Variants in STAT4 observed in about 807,000 individuals in gnomAD.
The protein encoded by STAT4 is signal transducer and activator of transcription 4.
In STAT4, 42 loss-of-function variants were observed where a neutral mutation model predicts 110.5. The ratio of observed to expected loss-of-function variants is 0.38; its 90% confidence interval spans 0.30 to 0.49. STAT4 has a LOEUF of 0.49. Ranked by LOEUF, STAT4 falls within the 20% of genes least tolerant of loss-of-function variation. The probability of loss-of-function intolerance (pLI) is 0.95; values close to 1 mark genes in which losing one functional copy is unlikely to be tolerated. For missense variants in STAT4, 632 were observed against 887.9 expected, an observed-to-expected ratio of 0.71 and a Z score of 3.66; for synonymous variants, 284 against 302.2, an observed-to-expected ratio of 0.94 and a Z score of 0.63.
At chr2:191,089,019 CT>C (rs1224114685) in intron 3 of STAT4, among the ~76,000 whole-genome samples, 1 of 152,070 alleles carries the variant, frequency 6.6e-6, no homozygotes, top group East Asian at 1.9e-4. Context: ...TCTAGATGAC[CT>C]TGGATTTAGT....
Position 191,116,236 on chromosome 2 carries a change from T to C in STAT4, c.273+30377A>G, listed in dbSNP as rs529738534. Reference sequence around the variant, plus strand: ...CTGATGCTGACAAGAGGGAATTGGTTTGATAATACAGTGCTTTTACACCTA... The same window carrying C: ...CTGATGCTGACAAGAGGGAATTGGTCTGATAATACAGTGCTTTTACACCTA... On this transcript the variant is annotated intron_variant, in intron 3 of 23. Coordinates refer to ENST00000392320, the MANE Select transcript of STAT4 (RefSeq NM_003151.4). This position sits in a 1 kb window ranked among gnomAD's most constrained non-coding sequence, Gnocchi z 4.1. Among the ~76,000 whole-genome samples, 1 of 152,314 alleles carries C rather than the reference T, an allele frequency of 6.6e-6. No homozygotes were observed. Among genetic ancestry groups the C allele is most frequent in the South Asian group, 2.1e-4 (1 of 4,828 alleles).
chr2:191,081,063 C>T (rs1317333748), intron 3 of STAT4, among the ~76,000 whole-genome samples: 1 of 152,156 alleles, frequency 6.6e-6, no homozygotes, highest in Non-Finnish European at 1.5e-5. Context: ...CATTGTTCAA[C>T]TCCCACTTAT....
At chr2:191,073,295 G>A in intron 4 of STAT4, 105 bp from the exon 5 acceptor site, 2 of 829,498 alleles carry the variant, frequency 2.4e-6, no homozygotes, top group South Asian at 1.6e-5. Context: ...AATGTGATAT[G>A]GATACTCTAT....
rs1366138481 is a variant in STAT4 at position 191,066,122 on chromosome 2, G to A, written c.630+308C>T. ...AACCCATCTCAGCATATTAAGTACA[G>A]CAACTGAAACAGCCACGTCTGAAAT... On this transcript the variant is annotated intron_variant, in intron 7 of 23. Transcript: ENST00000392320. The surrounding 1 kb of genome is among the most constrained non-coding windows in gnomAD (Gnocchi z 4.3). 1.3e-5 allele frequency among the ~76,000 whole-genome samples: 2 copies of A among 152,218 alleles called. No homozygotes were observed. The highest frequency in any genetic ancestry group is 3.9e-4 in the East Asian group (2 of 5,188).
At chr2:191,109,402 A>G (rs571606509) in intron 3 of STAT4, among the ~76,000 whole-genome samples, 1 of 152,242 alleles carries the variant, frequency 6.6e-6, no homozygotes, top group East Asian at 1.9e-4. Context: ...CACTCAGCAA[A>G]TATCTACTGA....
In STAT4 at chr2:191,150,281, G is replaced by A. The variant is rs1351054865; in HGVS notation, c.-2+666C>T. On this transcript the variant is annotated intron_variant, in intron 1 of 23. Transcript: ENST00000392320. The surrounding 1 kb of genome is among the most constrained non-coding windows in gnomAD (Gnocchi z 6.4). Reference sequence around the variant, plus strand: ...GGACATTTTCTATTGCAGCCTCTGGGAACGCCTTTAGACATCCTTCAGCAG... The same window carrying A: ...GGACATTTTCTATTGCAGCCTCTGGAAACGCCTTTAGACATCCTTCAGCAG... 6.6e-6 allele frequency among the ~76,000 whole-genome samples: 1 copy of A among 152,204 alleles called. No individual in the cohort carries two copies. The highest frequency in any genetic ancestry group is 2.4e-5 in the African/African-American group (1 of 41,452).
At position 191,142,226 on chromosome 2, in the gene STAT4, T is replaced by TACAC. The variant is rs145782626; in HGVS notation, c.273+4386_273+4387insGTGT. Among the ~76,000 whole-genome samples, 16 of 151,526 alleles carry TACAC rather than the reference T, an allele frequency of 1.1e-4. No homozygotes were observed. The highest frequency in any genetic ancestry group is 2.2e-4 in the African/African-American group (9 of 41,146). ...AAAATAAAGAAAATAGATATATATATATACACACACACACACATGCATACA... is the reference window on the plus strand; with the variant it reads ...AAAATAAAGAAAATAGATATATATATACACATACACACACACACACATGCATACA... On this transcript the variant is annotated intron_variant, in intron 3 of 23. Coordinates refer to ENST00000392320, the MANE Select transcript of STAT4 (RefSeq NM_003151.4). The surrounding 1 kb of genome is among the most constrained non-coding windows in gnomAD (Gnocchi z 4.1).
chr2:191,033,523 T>C lies in STAT4; in HGVS notation c.1819A>G (p.Ile607Val). The change falls in exon 20 of 24, where the codon ATA (isoleucine) becomes GTA (valine). Residue 607 changes from isoleucine (I) to valine (V), a missense_variant. This residue lies in a region of STAT4 where 74 missense variants were observed against 154.3 expected (regional missense o/e 0.48). Coordinates refer to ENST00000392320, the MANE Select transcript of STAT4 (RefSeq NM_003151.4). This position sits in a 1 kb window ranked among gnomAD's most constrained non-coding sequence, Gnocchi z 6.9. ...LRFSESHLGGITFTWVDHSES... is the reference protein window; with the variant it reads ...LRFSESHLGGVTFTWVDHSES... Reference sequence around the variant, plus strand: ...GAATGGTCCACCCAGGTGAAAGTTATTCCTCCGAGATGGCTTTCACTGAAT... The same window carrying C: ...GAATGGTCCACCCAGGTGAAAGTTACTCCTCCGAGATGGCTTTCACTGAAT... 1.2e-6 allele frequency: 2 copies of C among 1,614,156 alleles called. No homozygotes were observed. Among genetic ancestry groups the C allele is most frequent in the Non-Finnish European group, 1.7e-6 (2 of 1,180,012 alleles).
chr2:191,083,678 G>A lies in STAT4; in HGVS notation c.274-7353C>T, dbSNP rs150418986. Among the ~76,000 whole-genome samples the A allele has an allele frequency of 5.3e-5, 8 of 152,136 alleles. No homozygotes were observed. The highest frequency in any genetic ancestry group is 2.1e-4 in the South Asian group (1 of 4,814). On this transcript the variant is annotated intron_variant, in intron 3 of 23. Coordinates refer to ENST00000392320, the MANE Select transcript of STAT4 (RefSeq NM_003151.4). This position sits in a 1 kb window ranked among gnomAD's most constrained non-coding sequence, Gnocchi z 4.6. ...GAATTAGAAATGTGCAACCTACTGC[G>A]TACTTCTGGTTGCCAACTAGCTCTC...
At chr2:191,057,461 T>C (rs1210520700) in intron 13 of STAT4, among the ~76,000 whole-genome samples, 1 of 152,226 alleles carries the variant, frequency 6.6e-6, no homozygotes, top group Non-Finnish European at 1.5e-5. Context: ...TATACTTAGG[T>C]ACTATGTCTT....
rs374650433 is a variant in STAT4, at chr2:191,033,872, C to T, written c.1715+39G>A. On this transcript the variant is annotated intron_variant, in intron 19 of 23. Coordinates refer to ENST00000392320, the MANE Select transcript of STAT4 (RefSeq NM_003151.4). The surrounding 1 kb of genome is among the most constrained non-coding windows in gnomAD (Gnocchi z 6.9). Reference sequence around the variant, plus strand: ...AACCAATAACAACAGAAAAAAAGAACATAATTAACTCATATGAAAAATATA... The same window carrying T: ...AACCAATAACAACAGAAAAAAAGAATATAATTAACTCATATGAAAAATATA... 2.5e-5 allele frequency: 37 copies of T among 1,496,276 alleles called. No homozygotes were observed. The highest frequency in any genetic ancestry group is 3.0e-5 in the Non-Finnish European group (33 of 1,099,346). 92.7% of individuals were successfully genotyped at this position (1,496,276 alleles called of 1,614,324 possible).
At position 191,073,190 on chromosome 2, in the gene STAT4, C is replaced by G. The variant is rs1451770735; in HGVS notation, c.373G>C (p.Gly125Arg). ...CTTTGTAAGGATTTCTCTAGAGGCC[C>G]CTGGAAAAAGAATGTCTTGAAATCT... ...ILAAANMPVQ[G>R]PLEKSLQSSS... Residue 125 changes from glycine to arginine, a missense_variant and splice_region_variant, in exon 5 of 24, where the codon GGG (glycine) becomes CGG (arginine). Around this residue, in one of 4 missense-constraint regions of STAT4, gnomAD observed 488 missense variants for 632.8 expected, o/e 0.77. Transcript: ENST00000392320. The G allele has an allele frequency of 1.2e-6, 2 of 1,613,142 alleles. No individual in the cohort carries two copies. Among genetic ancestry groups the G allele is most frequent in the Non-Finnish European group, 1.7e-6 (2 of 1,179,516 alleles).
chr2:191,060,055 T>C lies in STAT4; in HGVS notation c.1035-1286A>G, dbSNP rs576018679. On this transcript the variant is annotated intron_variant, in intron 10 of 23. Transcript: ENST00000392320. The surrounding 1 kb of genome is among the most constrained non-coding windows in gnomAD (Gnocchi z 4.5). ...TTGAGTAAAGGATCACCTATCAAGA[T>C]GGTGGGGAATAGGGTGCAGAGGAGG... Among the ~76,000 whole-genome samples the C allele has an allele frequency of 6.6e-6, 1 of 152,038 alleles. No homozygotes were observed. The highest frequency in any genetic ancestry group is 1.5e-5 in the Non-Finnish European group (1 of 67,996).
intron 3 of STAT4, among the ~76,000 whole-genome samples, chr2:191,087,313 C>T (rs115740840): frequency 0.028 from 4,226 of 152,176 alleles, 193 homozygotes; most frequent in African/African-American, 0.097. Context: ...CCTTTTAATG[C>T]GTGAAACCTG....
rs1354429347 is a variant in STAT4, at chr2:191,082,932, A to G, written c.274-6607T>C. 1.3e-5 allele frequency among the ~76,000 whole-genome samples: 2 copies of G among 152,146 alleles called. No homozygotes were observed. Among genetic ancestry groups the G allele is most frequent in the Non-Finnish European group, 2.9e-5 (2 of 68,036 alleles). ...TTGGAGGGTTAATACCACATTTAAC[A>G]AATTTCTTCTGTATTGTGAAGGATT... On this transcript the variant is annotated intron_variant, in intron 3 of 23. Coordinates refer to ENST00000392320, the MANE Select transcript of STAT4 (RefSeq NM_003151.4). The surrounding 1 kb of genome is among the most constrained non-coding windows in gnomAD (Gnocchi z 4.7).
intron 14 of STAT4, among the ~76,000 whole-genome samples, chr2:191,047,538 T>C (rs1052924890): frequency 8.5e-5 from 13 of 152,290 alleles, no homozygotes; most frequent in Middle Eastern, 3.4e-3. Context: ...GAACTGGTTG[T>C]TAGTGGAGAG....
chr2:191,073,903 T>A (rs1024682527), intron 4 of STAT4, among the ~76,000 whole-genome samples: 1 of 152,232 alleles, frequency 6.6e-6, no homozygotes, highest in African/African-American at 2.4e-5. Flanking sequence ...AAATTACAGA[T>A]AATTTGATGA....
rs879320731 is a variant in STAT4, at chr2:191,077,530, G to C, written c.274-1205C>G. 4.6e-5 allele frequency among the ~76,000 whole-genome samples: 7 copies of C among 151,910 alleles called. No homozygotes were observed. Among genetic ancestry groups the C allele is most frequent in the African/African-American group, 1.7e-4 (7 of 41,330 alleles). Reference sequence around the variant, plus strand: ...TGAATATATATGAAATGACCAAAAGGTTAGCAGCAGAAAAAATAAAACAAA... The same window carrying C: ...TGAATATATATGAAATGACCAAAAGCTTAGCAGCAGAAAAAATAAAACAAA... On this transcript the variant is annotated intron_variant, in intron 3 of 23. Coordinates refer to ENST00000392320, the MANE Select transcript of STAT4 (RefSeq NM_003151.4). This position sits in a 1 kb window ranked among gnomAD's most constrained non-coding sequence, Gnocchi z 4.1.
At chr2:191,105,123 A>G (rs1161242233) in intron 3 of STAT4, among the ~76,000 whole-genome samples, 1 of 152,256 alleles carries the variant, frequency 6.6e-6, no homozygotes, top group Admixed American at 6.5e-5. Context: ...ACACTGTGAT[A>G]GATAACTAGC....
Sources: gnomAD v4.1 joint callset for allele counts (sites outside exome capture counted in the v4.1 genomes callset) on GRCh38, gnomAD v4.1.1 for gene constraint, gnomAD v4.1.1 regional missense constraint, Gnocchi (gnomAD v3.1) non-coding constraint, MANE v1.5 for transcripts, NCBI Gene and HGNC (gene_info 2026-07-23, HGNC 2026-07-21) for gene names.